COLEC11: variants seen among roughly 807,000 people sequenced by gnomAD.
COLEC11 encodes collectin subfamily member 11.
Under a neutral mutation model 27.3 loss-of-function variants are expected in COLEC11, and 20 were observed. The ratio of observed to expected loss-of-function variants is 0.73; its 90% CI spans 0.51 to 1.06. The LOEUF (loss-of-function observed/expected upper bound fraction) is 1.06. Ranked by LOEUF, COLEC11 falls within the 50% of genes least tolerant of loss-of-function variation. The probability of loss-of-function intolerance (pLI) is 0.00; values close to 1 mark genes in which losing one functional copy is unlikely to be tolerated. For synonymous variants in COLEC11, 163 were observed against 154.7 expected (o/e 1.05, Z -0.40); for missense variants, 310 against 383.0 (o/e 0.81, Z 1.59).
Position 3,604,315 on chromosome 2 carries a change from G to A in COLEC11, c.-26G>A, listed in dbSNP as rs368296840. 53 of 1,613,482 alleles carry A rather than the reference G, an allele frequency of 3.3e-5. No homozygotes were observed. The highest frequency in any genetic ancestry group is 6.7e-5 in the African/African-American group (5 of 74,740). On this transcript the variant is annotated splice_region_variant and 5_prime_UTR_variant, in exon 2 of 7. Coordinates refer to ENST00000349077, the MANE Select transcript of COLEC11 (RefSeq NM_024027.5). ...ACTGTTTATTCCTTCCTCTGTGTAG[G>A]AGTTGGTGTCCTGCCTGCGCTCAGG...
chr2:3,620,137 G>A (rs914795754), intron 3 of COLEC11, among the ~76,000 whole-genome samples: 1 of 152,146 alleles, frequency 6.6e-6, no homozygotes, highest in Admixed American at 6.5e-5. Flanking sequence ...AGAAGGATTG[G>A]TATTAATTCC....
intron 5 of COLEC11, chr2:3,641,189 G>A: frequency 7.7e-7 from 1 of 1,293,610 alleles, no homozygotes; most frequent in Non-Finnish European, 1.0e-6. Context: ...TTGGATACCA[G>A]GGAGAAAAGA....
At chr2:3,614,016 G>A (rs1381861893) in intron 3 of COLEC11, among the ~76,000 whole-genome samples, 2 of 109,594 alleles carry the variant, frequency 1.8e-5, no homozygotes, top group African/African-American at 3.6e-5. Context: ...TTGCTCTGTT[G>A]CCCAGGCTGG....
At chr2:3,632,102 C>A (rs1016296253) in intron 3 of COLEC11, among the ~76,000 whole-genome samples, 2 of 152,224 alleles carry the variant, frequency 1.3e-5, no homozygotes, top group East Asian at 1.9e-4. Context: ...TGACCCGAGG[C>A]ACGGAATGCC....
rs544657285 is a variant in COLEC11, at chr2:3,629,568, A to C, written c.203-7965A>C. On this transcript the variant is annotated intron_variant, in intron 3 of 6. Coordinates refer to ENST00000349077, the MANE Select transcript of COLEC11 (RefSeq NM_024027.5). The stretch of plus-strand genomic sequence containing the variant: ...TACATACCTATATGTATATATGTGC[A>C]TGCATGTGTGCATATGTATATGTAC... 2.6e-5 allele frequency among the ~76,000 whole-genome samples: 4 copies of C among 152,370 alleles called. No homozygotes were observed. The East Asian group carries it at 7.7e-4, about 29-fold the overall frequency.
At chr2:3,607,830 C>T (rs966111917) in intron 2 of COLEC11, among the ~76,000 whole-genome samples, 1 of 152,200 alleles carries the variant, frequency 6.6e-6, no homozygotes, top group Non-Finnish European at 1.5e-5. Flanking sequence ...GAATAACATG[C>T]GCTGTGGGAG....
At chr2:3,615,918 C>T (rs1442065528) in intron 3 of COLEC11, among the ~76,000 whole-genome samples, 13 of 117,574 alleles carry the variant, frequency 1.1e-4, no homozygotes, top group African/African-American at 1.3e-4. Context: ...ACCTCCCTCC[C>T]GGACGGGGGG....
At chr2:3,629,861 GT>G (rs1308210574) in intron 3 of COLEC11, among the ~76,000 whole-genome samples, 1 of 152,146 alleles carries the variant, frequency 6.6e-6, no homozygotes, top group Non-Finnish European at 1.5e-5. Flanking sequence ...ATGTATGTAT[GT>G]TTGTGTACAC....
At chr2:3,637,505 C>G in intron 3 of COLEC11, 28 bp from the exon 4 acceptor site, 1 of 1,605,672 alleles carries the variant, frequency 6.2e-7, no homozygotes, top group South Asian at 1.1e-5. Flanking sequence ...TGTGCATCGA[C>G]CAACTTTGCT....
At chr2:3,622,434 T>TA (rs1344631781) in intron 3 of COLEC11, among the ~76,000 whole-genome samples, 1 of 152,242 alleles carries the variant, frequency 6.6e-6, no homozygotes, top group Non-Finnish European at 1.5e-5. Flanking sequence ...ACATAACCAT[T>TA]ACACCATCAG....
intron 2 of COLEC11, among the ~76,000 whole-genome samples, chr2:3,608,097 C>G (rs1161778139): frequency 6.6e-6 from 1 of 152,218 alleles, no homozygotes; most frequent in East Asian, 1.9e-4. Flanking sequence ...ATCTTAGGTT[C>G]TCAATAAAAT....
At position 3,633,025 on chromosome 2, in the gene COLEC11, C is replaced by A. The variant is rs561674443; in HGVS notation, c.203-4508C>A. ...GGGAGGGCGCGAGGGGCTTCCTCCCCACCTGGGAGCTGTTTCTCCCTGAGA... is the reference window on the plus strand; with the variant it reads ...GGGAGGGCGCGAGGGGCTTCCTCCCAACCTGGGAGCTGTTTCTCCCTGAGA... On this transcript the variant is annotated intron_variant, in intron 3 of 6. Transcript: ENST00000349077. Among the ~76,000 whole-genome samples, 11 of 152,308 alleles carry A rather than the reference C, an allele frequency of 7.2e-5. No homozygotes were observed. In the South Asian group the frequency reaches 2.3e-3, roughly 32 times the overall value.
chr2:3,638,246 T>C (rs1352459403), intron 4 of COLEC11, among the ~76,000 whole-genome samples: 1 of 151,932 alleles, frequency 6.6e-6, no homozygotes, highest in African/African-American at 2.4e-5. Context: ...GCTGCTCCTA[T>C]GCGCCCCCGC....
intron 4 of COLEC11, among the ~76,000 whole-genome samples, chr2:3,639,126 C>T (rs988136750): frequency 2.6e-5 from 4 of 152,208 alleles, no homozygotes; most frequent in African/African-American, 7.2e-5. Flanking sequence ...TGTGTGGTAG[C>T]GTGGGTCAGA....
At chr2:3,637,493 C>A in intron 3 of COLEC11, 40 bp from the exon 4 acceptor site, 1 of 1,549,948 alleles carries the variant, frequency 6.5e-7, no homozygotes, top group African/African-American at 1.4e-5. Flanking sequence ...CACGGTGTCA[C>A]CTGTGCATCG....
At position 3,623,242 on chromosome 2, in the gene COLEC11, G is replaced by A. The variant is rs115466999; in HGVS notation, c.202+9860G>A. Among the ~76,000 whole-genome samples, 1,081 of 152,176 alleles carry A rather than the reference G, an allele frequency of 7.1e-3. 12 individuals carry two copies. The highest frequency in any genetic ancestry group is 0.024 in the African/African-American group (980 of 41,524). On this transcript the variant is annotated intron_variant, in intron 3 of 6. Transcript: ENST00000349077. ...CTCTTCTCGTCTTTGATTTATGGTA[G>A]TTTGATTATAATGTATCTTGGTGAA...
chr2:3,620,576 T>G (rs1558503435), intron 3 of COLEC11, among the ~76,000 whole-genome samples: 1 of 152,190 alleles, frequency 6.6e-6, no homozygotes, highest in African/African-American at 2.4e-5. Context: ...TTTCCTTACT[T>G]CTGCTAACTT....
intron 3 of COLEC11, among the ~76,000 whole-genome samples, chr2:3,623,676 C>T (rs1054224182): frequency 2.6e-5 from 4 of 151,922 alleles, no homozygotes; most frequent in Non-Finnish European, 5.9e-5. Context: ...ATCTCTATCT[C>T]TTCATTGAAT....
chr2:3,643,434 GC>G lies in COLEC11; in HGVS notation c.329-5del. The G allele has an allele frequency of 1.2e-6, 2 of 1,610,980 alleles. No individual in the cohort carries two copies. Among genetic ancestry groups the G allele is most frequent in the Non-Finnish European group, 1.7e-6 (2 of 1,177,602 alleles). On this transcript the variant is annotated splice_polypyrimidine_tract_variant and intron_variant, in intron 5 of 6. Transcript: ENST00000349077. ...CCAGCGTTTGTAACGCGTGGGCCTG[GC>G]CCCCGCAGGCCTCCCATGTGAGTGC... is the stretch of plus-strand genomic sequence containing the variant.
Sources: gnomAD v4.1 joint callset for allele counts (sites outside exome capture counted in the v4.1 genomes callset) on GRCh38, gnomAD v4.1.1 for gene constraint, MANE v1.5 for transcripts, NCBI Gene and HGNC (gene_info 2026-07-23, HGNC 2026-07-21) for gene names.